The following DTD1 variants were observed in gnomAD, a reference collection of about 807,000 sequenced individuals.
The protein encoded by DTD1 is D-aminoacyl-tRNA deacylase 1.
Under a neutral mutation model 25.6 loss-of-function variants are expected in DTD1, and 13 were observed. The observed-to-expected ratio is 0.51, with a 90% confidence interval of 0.33 to 0.81. DTD1 has a LOEUF of 0.81. Among genes scored for constraint, DTD1 ranks in the 30% least tolerant of loss-of-function variants. The probability of loss-of-function intolerance (pLI) is 0.02; values close to 1 mark genes in which losing one functional copy is unlikely to be tolerated. For synonymous variants in DTD1, 110 were observed against 103.6 expected, an observed-to-expected ratio of 1.06 and a Z score of -0.37; for missense variants, 193 against 266.4, an observed-to-expected ratio of 0.72 and a Z score of 1.92.
At chr20:18,632,143 C>T (rs2060790850) in intron 4 of DTD1, 4 of 984,004 alleles carry the variant, frequency 4.1e-6, no homozygotes, top group Admixed American at 1.2e-4. Context: ...ATGCTGTACA[C>T]CTTATACAAT....
intron 1 of DTD1, among the ~76,000 whole-genome samples, chr20:18,589,792 G>T (rs2060581819): frequency 6.6e-6 from 1 of 152,134 alleles, no homozygotes. Flanking sequence ...ATAAGAGTTT[G>T]GGTTATTTTG....
chr20:18,650,153 C>T (rs2060868736), intron 4 of DTD1, among the ~76,000 whole-genome samples: 1 of 152,190 alleles, frequency 6.6e-6, no homozygotes, highest in South Asian at 2.1e-4. Flanking sequence ...TGCTTGGGCC[C>T]AGGAGGTCAA....
intron 5 of DTD1, among the ~76,000 whole-genome samples, chr20:18,744,992 C>T (rs983932020): frequency 5.3e-5 from 8 of 152,208 alleles, no homozygotes; most frequent in Admixed American, 2.0e-4. Flanking sequence ...TCTCTGGCTG[C>T]CTGTGCCAGT....
At chr20:18,706,977 G>C (rs949968666) in intron 4 of DTD1, among the ~76,000 whole-genome samples, 3 of 152,224 alleles carry the variant, frequency 2.0e-5, no homozygotes, top group African/African-American at 7.2e-5. Flanking sequence ...GAGACCCCGT[G>C]TGCTGAGGGG....
At chr20:18,763,062 G>A (rs1600228954) in intron 5 of DTD1, among the ~76,000 whole-genome samples, 1 of 152,042 alleles carries the variant, frequency 6.6e-6, no homozygotes, top group African/African-American at 2.4e-5. Context: ...ATTTTGCCTG[G>A]TGACTTCTCT....
At position 18,613,160 on chromosome 20, in the gene DTD1, GT is replaced by G. The variant is rs199981350; in HGVS notation, c.371-14965del. On this transcript the variant is annotated intron_variant, in intron 3 of 5. Transcript: ENST00000377452. ...TAGTCCTGTTTCTGCTGGGGGAGATGTTATTGGTTCCATTCAAGTCAGTTTT... is the reference window on the plus strand; with the variant it reads ...TAGTCCTGTTTCTGCTGGGGGAGATGTATTGGTTCCATTCAAGTCAGTTTT... Among the ~76,000 whole-genome samples, 929 of 152,238 alleles carry G rather than the reference GT, an allele frequency of 6.1e-3. 11 individuals carry two copies. Among genetic ancestry groups the G allele is most frequent in the African/African-American group, 0.021 (888 of 41,558 alleles).
intron 3 of DTD1, among the ~76,000 whole-genome samples, chr20:18,626,224 A>T (rs2060757252): frequency 6.6e-6 from 1 of 152,096 alleles, no homozygotes; most frequent in Admixed American, 6.5e-5. Context: ...GTCCTGTTGC[A>T]CCAGAACAAA....
chr20:18,669,240 G>A (rs1001113055), intron 4 of DTD1, among the ~76,000 whole-genome samples: 2 of 152,354 alleles, frequency 1.3e-5, no homozygotes, highest in African/African-American at 4.8e-5. Flanking sequence ...CACACAGTGT[G>A]GAAGCCGTAG....
At chr20:18,691,294 C>T (rs1390113785) in intron 4 of DTD1, among the ~76,000 whole-genome samples, 3 of 152,174 alleles carry the variant, frequency 2.0e-5, no homozygotes, top group Non-Finnish European at 4.4e-5. Context: ...ATAGATTGTT[C>T]TACCAAAAAG....
chr20:18,681,662 A>G (rs2060997341), intron 4 of DTD1, among the ~76,000 whole-genome samples: 1 of 152,182 alleles, frequency 6.6e-6, no homozygotes, highest in Non-Finnish European at 1.5e-5. Context: ...AGAACTCTAA[A>G]TCCAGGGAAG....
At chr20:18,745,445 C>A (rs552979739) in intron 5 of DTD1, among the ~76,000 whole-genome samples, 76 of 152,264 alleles carry the variant, frequency 5.0e-4, no homozygotes, top group African/African-American at 1.7e-3. Flanking sequence ...CAGGGAGAAG[C>A]ATAGGAACAG....
At chr20:18,675,594 A>C (rs2060967367) in intron 4 of DTD1, 1 of 152,066 alleles carries the variant, frequency 6.6e-6, no homozygotes, top group Non-Finnish European at 1.5e-5. Context: ...TGTACTCTTT[A>C]AATCAATGAT....
chr20:18,627,596 C>T (rs2060764784), intron 3 of DTD1, among the ~76,000 whole-genome samples: 1 of 152,174 alleles, frequency 6.6e-6, no homozygotes, highest in Non-Finnish European at 1.5e-5. Flanking sequence ...ACAAGGCTGG[C>T]TAACTTTTCC....
intron 4 of DTD1, among the ~76,000 whole-genome samples, chr20:18,633,103 C>G (rs1346851161): frequency 6.6e-6 from 1 of 152,176 alleles, no homozygotes; most frequent in South Asian, 2.1e-4. Flanking sequence ...AGTTTGTGCT[C>G]CTCCTTAGAA....
chr20:18,621,773 A>T (rs1222510443), intron 3 of DTD1, among the ~76,000 whole-genome samples: 3 of 152,108 alleles, frequency 2.0e-5, no homozygotes, highest in Non-Finnish European at 2.9e-5. Flanking sequence ...TTTTTTAAAA[A>T]AATTTTTTTG....
At chr20:18,640,970 T>A (rs945575337) in intron 4 of DTD1, among the ~76,000 whole-genome samples, 7 of 152,162 alleles carry the variant, frequency 4.6e-5, no homozygotes, top group Admixed American at 1.3e-4. Flanking sequence ...ACTGAAACTT[T>A]ACCCTTAAGT....
chr20:18,667,369 C>T (rs2060935132), intron 4 of DTD1, among the ~76,000 whole-genome samples: 1 of 152,182 alleles, frequency 6.6e-6, no homozygotes, highest in South Asian at 2.1e-4. Flanking sequence ...TCAGCTCATC[C>T]TGGAGAGGAG....
chr20:18,595,971 T>C (rs760710961), intron 2 of DTD1, 35 bp from the exon 3 acceptor site: 1 of 1,590,602 alleles, frequency 6.3e-7, no homozygotes, highest in East Asian at 2.2e-5. Context: ...GCTTGTGATC[T>C]CTCAGGTAGC....
At chr20:18,615,165 A>C (rs190235630) in intron 3 of DTD1, among the ~76,000 whole-genome samples, 7 of 152,130 alleles carry the variant, frequency 4.6e-5, no homozygotes, top group Non-Finnish European at 7.4e-5. Context: ...GCAGTCTCAC[A>C]GCCTACCCCG....
Sources: gnomAD v4.1 joint callset for allele counts (sites outside exome capture counted in the v4.1 genomes callset) on GRCh38, gnomAD v4.1.1 for gene constraint, MANE v1.5 for transcripts, NCBI Gene and HGNC (gene_info 2026-07-23, HGNC 2026-07-21) for gene names.